MTHFD2L: variants seen among roughly 807,000 people sequenced by gnomAD.
The protein encoded by MTHFD2L is methylenetetrahydrofolate dehydrogenase (NADP+ dependent) 2 like, also known as bifunctional methylenetetrahydrofolate dehydrogenase/cyclohydrolase 2, mitochondrial.
Under a neutral mutation model 34.9 loss-of-function variants are expected in MTHFD2L, and 29 were observed. The ratio of observed to expected loss-of-function variants is 0.83; its 90% CI spans 0.62 to 1.13. The LOEUF (loss-of-function observed/expected upper bound fraction) is 1.13. MTHFD2L is among the 50% of genes most tolerant of loss of function. MTHFD2L has a pLI of 0.00. For missense variants in MTHFD2L, 481 were observed against 446.5 expected (o/e 1.08, Z -0.70); for synonymous variants, 167 against 155.7 (o/e 1.07, Z -0.54).
intron 1 of MTHFD2L, among the ~76,000 whole-genome samples, chr4:74,164,536 T>C (rs1726227826): frequency 6.6e-6 from 1 of 152,234 alleles, no homozygotes; most frequent in African/African-American, 2.4e-5. Context: ...TATCGAAATA[T>C]GTCTCCATCT....
intron 3 of MTHFD2L, among the ~76,000 whole-genome samples, chr4:74,198,152 G>C (rs771321447): frequency 6.6e-6 from 1 of 152,176 alleles, no homozygotes; most frequent in African/African-American, 2.4e-5. Context: ...GCATATGCAA[G>C]AGGACAGATC....
At chr4:74,150,783 A>G (rs1204806066) in intron 1 of MTHFD2L, among the ~76,000 whole-genome samples, 1 of 150,972 alleles carries the variant, frequency 6.6e-6, no homozygotes. Flanking sequence ...GTGTGTGTGT[A>G]TATATATATA....
intron 1 of MTHFD2L, among the ~76,000 whole-genome samples, chr4:74,131,028 C>T (rs1722455329): frequency 6.6e-6 from 1 of 152,146 alleles, no homozygotes; most frequent in Non-Finnish European, 1.5e-5. Context: ...ATACAACTTA[C>T]AAGGGATGTG....
At chr4:74,299,066 AT>A (rs976914123) in intron 7 of MTHFD2L, among the ~76,000 whole-genome samples, 53 of 151,908 alleles carry the variant, frequency 3.5e-4, no homozygotes, top group African/African-American at 1.1e-3. Context: ...GGTTTTTACT[AT>A]TTTTTTCATA....
chr4:74,129,848 TAAAG>T (rs1722344552), intron 1 of MTHFD2L, among the ~76,000 whole-genome samples: 1 of 150,992 alleles, frequency 6.6e-6, no homozygotes. Flanking sequence ...GCCTGACTAA[TAAAG>T]AAGAAAAGAA....
At chr4:74,283,182 C>T (rs1023569489) in intron 7 of MTHFD2L, among the ~76,000 whole-genome samples, 1 of 152,178 alleles carries the variant, frequency 6.6e-6, no homozygotes, top group Non-Finnish European at 1.5e-5. Flanking sequence ...GTAAGGCAAG[C>T]TTACCCAGCA....
intron 6 of MTHFD2L, among the ~76,000 whole-genome samples, chr4:74,248,929 G>T (rs1310551966): frequency 3.3e-4 from 49 of 150,340 alleles, no homozygotes; most frequent in African/African-American, 1.2e-3. Context: ...AATAGGTGTG[G>T]TGTGGTGCTG....
chr4:74,176,967 G>A (rs1729165866), intron 3 of MTHFD2L, among the ~76,000 whole-genome samples: 1 of 151,784 alleles, frequency 6.6e-6, no homozygotes, highest in South Asian at 2.1e-4. Flanking sequence ...TATAGCTTTT[G>A]TGCTGTTTAC....
At chr4:74,214,500 C>T (rs892324768) in intron 5 of MTHFD2L, among the ~76,000 whole-genome samples, 2 of 151,722 alleles carry the variant, frequency 1.3e-5, no homozygotes, top group African/African-American at 4.9e-5. Context: ...GCTGGAGGTC[C>T]ACTCCAATCC....
At chr4:74,120,324 A>G (rs184663111), upstream of MTHFD2L, among the ~76,000 whole-genome samples, 88 of 152,370 alleles carry the variant, frequency 5.8e-4, 1 homozygote, top group Admixed American at 1.7e-3. Context: ...GAGTCTACCA[A>G]TGTTGGTAAG....
intron 3 of MTHFD2L, among the ~76,000 whole-genome samples, chr4:74,189,421 C>T (rs1732029463): frequency 6.6e-6 from 1 of 150,642 alleles, no homozygotes; most frequent in Non-Finnish European, 1.5e-5. Flanking sequence ...GTGAAGACCA[C>T]TCTCTTGCAT....
chr4:74,214,529 C>T (rs1357133081), intron 5 of MTHFD2L, among the ~76,000 whole-genome samples: 1 of 151,756 alleles, frequency 6.6e-6, no homozygotes, highest in Non-Finnish European at 1.5e-5. Flanking sequence ...CTAGGTATCA[C>T]CAGTGGAGGC....
chr4:74,170,235 T>C (rs1727625235), intron 1 of MTHFD2L, among the ~76,000 whole-genome samples: 1 of 152,210 alleles, frequency 6.6e-6, no homozygotes, highest in African/African-American at 2.4e-5. Context: ...TAACAAAATT[T>C]CAGATGAAAT....
chr4:74,192,893 C>T (rs1007782033), intron 3 of MTHFD2L, among the ~76,000 whole-genome samples: 2 of 151,870 alleles, frequency 1.3e-5, no homozygotes, highest in African/African-American at 4.8e-5. Context: ...CAGTCTTTGG[C>T]TTACCTGTAC....
At chr4:74,272,307 C>A (rs146911312) in intron 6 of MTHFD2L, among the ~76,000 whole-genome samples, 2 of 152,062 alleles carry the variant, frequency 1.3e-5, no homozygotes, top group Non-Finnish European at 2.9e-5. Flanking sequence ...AAATGCCCAC[C>A]ACCTGCATAG....
chr4:74,173,692 A>G (rs1315233938), intron 1 of MTHFD2L, among the ~76,000 whole-genome samples: 2 of 152,144 alleles, frequency 1.3e-5, no homozygotes, highest in Non-Finnish European at 2.9e-5. Flanking sequence ...AGTCTTCAAG[A>G]TGGTTGCCAG....
At chr4:74,140,713 A>G (rs947141773) in intron 1 of MTHFD2L, among the ~76,000 whole-genome samples, 2 of 152,222 alleles carry the variant, frequency 1.3e-5, no homozygotes, top group African/African-American at 4.8e-5. Context: ...GAAACTTACA[A>G]TCATGGCAGA....
At chr4:74,127,328 A>G (rs1470278799) in intron 1 of MTHFD2L, among the ~76,000 whole-genome samples, 1 of 152,174 alleles carries the variant, frequency 6.6e-6, no homozygotes, top group Non-Finnish European at 1.5e-5. Context: ...CTACTGAACT[A>G]TGGAACACAA....
At chr4:74,223,362 A>G (rs964390293) in intron 5 of MTHFD2L, among the ~76,000 whole-genome samples, 2 of 152,102 alleles carry the variant, frequency 1.3e-5, no homozygotes, top group Admixed American at 1.3e-4. Context: ...AAATTAATAC[A>G]GGAACAGAAA....
Sources: allele counts gnomAD v4.1 joint callset (sites outside exome capture counted in the v4.1 genomes callset), GRCh38; gene constraint gnomAD v4.1.1; transcripts MANE v1.5; gene names NCBI Gene and HGNC (gene_info 2026-07-23, HGNC 2026-07-21).